The following NAALADL2 variants were observed in gnomAD, a reference collection of about 807,000 sequenced individuals.
NAALADL2 encodes the protein inactive N-acetylated-alpha-linked acidic dipeptidase-like protein 2.
Under a neutral mutation model 87.2 loss-of-function variants are expected in NAALADL2, and 76 were observed. That is an observed-to-expected ratio of 0.87 (90% CI 0.72 to 1.05). The LOEUF is 1.05. Among genes scored for constraint, NAALADL2 ranks in the 50% least tolerant of loss-of-function variants. The probability of loss-of-function intolerance (pLI) is 0.00; values close to 1 mark genes in which losing one functional copy is unlikely to be tolerated. For missense variants in NAALADL2, 1,089 were observed against 945.8 expected (o/e 1.15, Z -1.99); for synonymous variants, 354 against 331.0 (o/e 1.07, Z -0.75).
chr3:174,665,564 A>G (rs1347918729), intron 2 of NAALADL2, among the ~76,000 whole-genome samples: 1 of 152,182 alleles, frequency 6.6e-6, no homozygotes, highest in African/African-American at 2.4e-5. Context: ...AGTGTTCAGA[A>G]TATCACTGCA....
chr3:175,182,455 A>G (rs1237825651), intron 2 of NAALADL2, among the ~76,000 whole-genome samples: 1 of 149,602 alleles, frequency 6.7e-6, no homozygotes, highest in Non-Finnish European at 1.5e-5. Context: ...TGACATGATT[A>G]TAGCTCACTG....
Position 175,780,112 on chromosome 3 carries a change from C to CAA in NAALADL2, c.2190-22880_2190-22879dup, listed in dbSNP as rs397876700. Among the ~76,000 whole-genome samples the CAA allele has an allele frequency of 7.2e-3, 966 of 133,432 alleles. 35 individuals are homozygous for CAA. Among genetic ancestry groups the CAA allele is most frequent in the Admixed American group, 0.061 (814 of 13,310 alleles). The allele number at this position is 133,432 out of a possible 152,430, so 87.5% of individuals were successfully genotyped here. A position where few individuals can be genotyped will look rare whatever the true frequency, so the allele number is the denominator to read the frequency against. ...TGAAACCCTGTCTCTACTAAAAATA[C>CAA]AAAAAAAAAAAAAATTAGCCGGGCG... On this transcript the variant is annotated intron_variant, in intron 13 of 13. Coordinates refer to ENST00000454872, the MANE Select transcript of NAALADL2 (RefSeq NM_207015.3).
intron 3 of NAALADL2, among the ~76,000 whole-genome samples, chr3:174,811,337 C>G (rs1190547936): frequency 6.6e-6 from 1 of 152,174 alleles, no homozygotes; most frequent in Admixed American, 6.5e-5. Context: ...TTAGGAGCAA[C>G]TGTAGTGGCT....
At chr3:175,032,514 A>C (rs984725640) in intron 1 of NAALADL2, among the ~76,000 whole-genome samples, 1 of 152,032 alleles carries the variant, frequency 6.6e-6, no homozygotes, top group Non-Finnish European at 1.5e-5. Context: ...CACAAGCATT[A>C]CCTATATAGA....
At chr3:175,189,429 C>T (rs1475737245) in intron 2 of NAALADL2, among the ~76,000 whole-genome samples, 1 of 152,088 alleles carries the variant, frequency 6.6e-6, no homozygotes, top group Admixed American at 6.6e-5. Flanking sequence ...GCATTCCCTA[C>T]ACAAATATTG....
intron 5 of NAALADL2, among the ~76,000 whole-genome samples, chr3:175,368,242 G>T (rs1765922185): frequency 6.6e-6 from 1 of 152,108 alleles, no homozygotes; most frequent in Admixed American, 6.6e-5. Flanking sequence ...TTGATGTGCT[G>T]CTGGATTCGG....
intron 2 of NAALADL2, among the ~76,000 whole-genome samples, chr3:175,147,583 T>G (rs1468635261): frequency 2.8e-5 from 1 of 36,354 alleles, no homozygotes; most frequent in Non-Finnish European, 6.1e-5. Flanking sequence ...GTAGAACAGT[T>G]TATTTTTGGG....
chr3:174,844,677 T>G (rs1579171538), intron 3 of NAALADL2, among the ~76,000 whole-genome samples: 1 of 151,522 alleles, frequency 6.6e-6, no homozygotes, highest in Admixed American at 6.6e-5. Flanking sequence ...ATTTAATAAA[T>G]ATTTTATAAT....
intron 2 of NAALADL2, among the ~76,000 whole-genome samples, chr3:175,193,825 C>A (rs761387773): frequency 4.2e-4 from 64 of 151,746 alleles, no homozygotes; most frequent in Admixed American, 7.9e-4. Flanking sequence ...AAGCACTGGA[C>A]GTTAAGCAAA....
intron 4 of NAALADL2, among the ~76,000 whole-genome samples, chr3:175,266,702 G>A (rs1481692628): frequency 6.6e-6 from 1 of 151,660 alleles, no homozygotes; most frequent in East Asian, 1.9e-4. Context: ...ATAAACATGA[G>A]TCATAGAATG....
chr3:174,725,367 C>A (rs1560174682), intron 2 of NAALADL2, among the ~76,000 whole-genome samples: 1 of 152,116 alleles, frequency 6.6e-6, no homozygotes, highest in Non-Finnish European at 1.5e-5. Context: ...TAGAAACCAT[C>A]CCACTTTTAT....
chr3:175,465,251 C>CAAA, intron 7 of NAALADL2, among the ~76,000 whole-genome samples: 1 of 84,238 alleles, frequency 1.2e-5, no homozygotes, highest in Non-Finnish European at 2.6e-5. Context: ...GACTCTATCT[C>CAAA]AAAAAAAAAA....
At chr3:175,052,941 A>T (rs1226214543) in intron 1 of NAALADL2, among the ~76,000 whole-genome samples, 1 of 152,200 alleles carries the variant, frequency 6.6e-6, no homozygotes, top group Non-Finnish European at 1.5e-5. Flanking sequence ...TGGCCGTGGC[A>T]TGCAAACCGA....
intron 1 of NAALADL2, among the ~76,000 whole-genome samples, chr3:175,074,039 G>A (rs1716142052): frequency 6.6e-6 from 1 of 151,970 alleles, no homozygotes; most frequent in Non-Finnish European, 1.5e-5. Flanking sequence ...CTAGAAGTGA[G>A]TTCCATAAGG....
At chr3:175,360,925 TTGTTAAATA>T (rs1434705851) in intron 5 of NAALADL2, among the ~76,000 whole-genome samples, 1 of 151,840 alleles carries the variant, frequency 6.6e-6, no homozygotes, top group Non-Finnish European at 1.5e-5. Flanking sequence ...ACGTGCAGGT[TTGTTAAATA>T]TGTATACATG....
At chr3:174,584,937 A>G (rs1006251024) in intron 2 of NAALADL2, among the ~76,000 whole-genome samples, 29 of 152,106 alleles carry the variant, frequency 1.9e-4, no homozygotes, top group African/African-American at 7.0e-4. Flanking sequence ...TTTTACCCTC[A>G]TGCTCTTTTA....
chr3:175,231,671 T>C (rs951346165), intron 2 of NAALADL2, among the ~76,000 whole-genome samples: 3 of 152,156 alleles, frequency 2.0e-5, no homozygotes, highest in African/African-American at 7.2e-5. Context: ...GGTGGATTTA[T>C]GTTCATCAAT....
At position 175,716,582 on chromosome 3, in the gene NAALADL2, G is replaced by A. The variant is rs111491370; in HGVS notation, c.1897-20724G>A. Among the ~76,000 whole-genome samples, 190 of 152,040 alleles carry A rather than the reference G, an allele frequency of 1.2e-3. 1 individual carries two copies. The highest frequency in any genetic ancestry group is 4.4e-3 in the African/African-American group (183 of 41,484). On this transcript the variant is annotated intron_variant, in intron 11 of 13. Transcript: ENST00000454872. ...CTGGAGGCAGAGCACTTCCATTAGT[G>A]GGAAAAGTACATGCAAATTCATATA... is the stretch of plus-strand genomic sequence containing the variant.
chr3:174,692,240 A>G (rs1345612481), intron 2 of NAALADL2, among the ~76,000 whole-genome samples: 4 of 152,200 alleles, frequency 2.6e-5, no homozygotes, highest in Non-Finnish European at 5.9e-5. Flanking sequence ...TATGGGTTGC[A>G]GAATCGATTT....
Sources: allele counts gnomAD v4.1 joint callset (sites outside exome capture counted in the v4.1 genomes callset), GRCh38; gene constraint gnomAD v4.1.1; transcripts MANE v1.5; gene names NCBI Gene and HGNC (gene_info 2026-07-23, HGNC 2026-07-21).